Variants in CHAT observed in about 807,000 individuals in gnomAD.
CHAT encodes the protein choline O-acetyltransferase, also known as acetyl CoA:choline O-acetyltransferase.
CHAT carries 61 observed loss-of-function variants against 76.9 expected under a neutral mutation model. The ratio of observed to expected loss-of-function variants is 0.79; its 90% CI spans 0.65 to 0.98. The LOEUF (loss-of-function observed/expected upper bound fraction) is 0.98, where lower values mean the gene tolerates loss of function less well. Ranked by LOEUF, CHAT falls within the 50% of genes least tolerant of loss-of-function variation. The pLI, the probability that CHAT is intolerant of heterozygous loss-of-function variation, is 0.00. For synonymous variants in CHAT, 407 were observed against 397.4 expected (o/e 1.02, Z -0.29); for missense variants, 946 against 986.9 (o/e 0.96, Z 0.56).
At position 49,665,159 on chromosome 10, in the gene CHAT, C is replaced by T. The variant is rs1840315665; in HGVS notation, c.*113C>T. On this transcript the variant is annotated 3_prime_UTR_variant, in exon 15 of 15. Coordinates refer to ENST00000337653, the MANE Select transcript of CHAT (RefSeq NM_020549.5). ...TCCACAGCTCCCTGTCCTCAGGGTCCAACTCACAGACCATACAGAGACATC... is the reference window on the plus strand; with the variant it reads ...TCCACAGCTCCCTGTCCTCAGGGTCTAACTCACAGACCATACAGAGACATC... The T allele has an allele frequency of 2.6e-6, 3 of 1,155,434 alleles. No individual in the cohort carries two copies. The highest frequency in any genetic ancestry group is 3.9e-6 in the Non-Finnish European group (3 of 775,460). The allele number at this position is 1,155,434 out of a possible 1,614,324, so 71.6% of individuals were successfully genotyped here.
rs78979304 is a variant in CHAT at position 49,619,657 on chromosome 10, G to C, written c.388-68G>C. The C allele has an allele frequency of 3.5e-3, 5,179 of 1,496,466 alleles. 168 individuals are homozygous for C. In the African/African-American group the frequency reaches 0.061, roughly 18 times the overall value. The allele number at this position is 1,496,466 out of a possible 1,614,324, so 92.7% of individuals were successfully genotyped here. ...GGGGCAGAACAATACAGATACTAGG[G>C]ACCAACTTGGGGACAGGCATGGGGC... On this transcript the variant is annotated intron_variant, in intron 2 of 14. Transcript: ENST00000337653.
At chr10:49,611,135 C>T (rs779664102), upstream of CHAT, 13 of 1,614,156 alleles carry the variant, frequency 8.1e-6, no homozygotes, top group Non-Finnish European at 1.1e-5. Flanking sequence ...GCTTCCAAGG[C>T]TATCCTGCAG....
upstream of CHAT, chr10:49,611,302 G>T: frequency 1.2e-6 from 2 of 1,607,914 alleles, no homozygotes; most frequent in Non-Finnish European, 1.7e-6. Flanking sequence ...GCAGGGCCTG[G>T]GCTCAGCCTT....
upstream of CHAT, chr10:49,612,354 C>T: frequency 1.3e-6 from 2 of 1,566,200 alleles, no homozygotes; most frequent in Non-Finnish European, 1.7e-6. Context: ...CCCACTCCTC[C>T]TCCAGCCCAC....
chr10:49,626,820 C>G (rs1485682709), intron 6 of CHAT, among the ~76,000 whole-genome samples: 2 of 152,262 alleles, frequency 1.3e-5, no homozygotes, highest in Admixed American at 6.5e-5. Flanking sequence ...TCACAAAGCC[C>G]AAGGCTCTAG....
intron 7 of CHAT, among the ~76,000 whole-genome samples, chr10:49,628,123 G>C (rs1414103853): frequency 1.3e-5 from 2 of 152,046 alleles, no homozygotes; most frequent in Admixed American, 1.3e-4. Flanking sequence ...CTCACTGATA[G>C]TGGCTGGGGG....
chr10:49,639,790 T>G (rs117452304), intron 7 of CHAT, among the ~76,000 whole-genome samples: 4,256 of 152,266 alleles, frequency 0.028, 58 homozygotes, highest in Middle Eastern at 0.034. Context: ...TAGCCATTAT[T>G]TATCTGAGTC....
At chr10:49,644,293 G>A (rs573396202) in intron 7 of CHAT, among the ~76,000 whole-genome samples, 15 of 152,190 alleles carry the variant, frequency 9.9e-5, no homozygotes, top group Non-Finnish European at 1.5e-4. Flanking sequence ...AGGGATCTAG[G>A]GTGGGAAGGA....
intron 13 of CHAT, among the ~76,000 whole-genome samples, chr10:49,656,596 T>C (rs1427253769): frequency 6.6e-6 from 1 of 152,196 alleles, no homozygotes; most frequent in African/African-American, 2.4e-5. Context: ...AAGGGAAAGA[T>C]GGCTCAAGAA....
chr10:49,661,352 G>A (rs952208567), intron 13 of CHAT: 6 of 152,200 alleles, frequency 3.9e-5, no homozygotes, highest in Non-Finnish European at 1.5e-5. Context: ...GGAAACCAGA[G>A]AAATTAAAAG....
At chr10:49,613,749 T>G (rs1489090230), upstream of CHAT, among the ~76,000 whole-genome samples, 2 of 152,180 alleles carry the variant, frequency 1.3e-5, no homozygotes, top group African/African-American at 4.8e-5. Context: ...TCCTCAGGTC[T>G]GCCATCAGGA....
chr10:49,656,631 G>C (rs981782151), intron 13 of CHAT, among the ~76,000 whole-genome samples: 1 of 152,226 alleles, frequency 6.6e-6, no homozygotes, highest in Non-Finnish European at 1.5e-5. Flanking sequence ...AAGACTGAGA[G>C]CCTTAAGAGA....
chr10:49,660,134 G>C (rs1336891022), intron 13 of CHAT, among the ~76,000 whole-genome samples: 1 of 152,086 alleles, frequency 6.6e-6, no homozygotes, highest in African/African-American at 2.4e-5. Flanking sequence ...TGCTGGGGGA[G>C]CAGGGTCATA....
At chr10:49,654,582 T>C (rs1839975983) in intron 11 of CHAT, among the ~76,000 whole-genome samples, 1 of 152,202 alleles carries the variant, frequency 6.6e-6, no homozygotes, top group Non-Finnish European at 1.5e-5. Context: ...GGCACAGCCA[T>C]GGTGCCCATG....
At chr10:49,643,703 AG>A (rs1425568002) in intron 7 of CHAT, among the ~76,000 whole-genome samples, 3 of 152,228 alleles carry the variant, frequency 2.0e-5, no homozygotes, top group Admixed American at 1.3e-4. Context: ...GCCCTTCATA[AG>A]GACATGGCCT....
intron 2 of CHAT, among the ~76,000 whole-genome samples, chr10:49,616,980 C>T (rs116905474): frequency 6.6e-6 from 1 of 152,332 alleles, no homozygotes; most frequent in East Asian, 1.9e-4. Context: ...GTCCCAGCTC[C>T]AGCTGCTATC....
upstream of CHAT, chr10:49,611,818 G>A (rs200313362): frequency 3.1e-6 from 5 of 1,603,594 alleles, no homozygotes; most frequent in Non-Finnish European, 4.2e-6. Flanking sequence ...GTGGCTGTAC[G>A]GCGCGCTTGG....
At position 49,662,668 on chromosome 10, in the gene CHAT, C is replaced by T. The variant is rs1590628381; in HGVS notation, c.1863C>T (p.Asp621=). 1.9e-6 allele frequency: 3 copies of T among 1,614,228 alleles called. No homozygotes were observed. Among genetic ancestry groups the T allele is most frequent in the Non-Finnish European group, 2.5e-6 (3 of 1,180,038 alleles). Reference sequence around the variant, plus strand: ...AGGCCATAACAGGGATGGCCATTGACAACCACCTGCTGGCACTGCGGGAGC... The same window carrying T: ...AGGCCATAACAGGGATGGCCATTGATAACCACCTGCTGGCACTGCGGGAGC... ...TVMAITGMAI[D]NHLLALRELA... is the part of the protein sequence containing the mutation. Residue 621 remains aspartate, a synonymous_variant, in exon 14 of 15, where the codon GAC becomes GAT. Coordinates refer to ENST00000337653, the MANE Select transcript of CHAT (RefSeq NM_020549.5).
chr10:49,612,186 C>A (rs1178088349), upstream of CHAT: 15 of 1,609,622 alleles, frequency 9.3e-6, no homozygotes, highest in East Asian at 3.1e-4. Context: ...GTTCCGAGCG[C>A]GATGTGCTGC....
Sources: gnomAD v4.1 joint callset for allele counts (sites outside exome capture counted in the v4.1 genomes callset) on GRCh38, gnomAD v4.1.1 for gene constraint, MANE v1.5 for transcripts, NCBI Gene and HGNC (gene_info 2026-07-23, HGNC 2026-07-21) for gene names.